The following ONECUT3 variants were observed in gnomAD, a reference collection of about 807,000 sequenced individuals.
ONECUT3 encodes the protein one cut homeobox 3.
Under a neutral mutation model 16.8 loss-of-function variants are expected in ONECUT3, and 11 were observed. That is an observed-to-expected ratio of 0.66 (90% confidence interval 0.41 to 1.09). The LOEUF is 1.09. Among genes scored for constraint, ONECUT3 ranks in the 50% least tolerant of loss-of-function variants. The pLI is 0.00. For synonymous variants in ONECUT3, 344 were observed against 310.7 expected (o/e 1.11, Z -1.13); for missense variants, 637 against 629.9 (o/e 1.01, Z -0.12).
chr19:1,754,519 C>A lies in ONECUT3; in HGVS notation c.857C>A (p.Pro286Gln), dbSNP rs1363636165. Residue 286 changes from proline (P) to glutamine (Q), a missense_variant, in exon 1 of 2, where the codon CCG becomes CAG. Around this residue, in one of 3 missense-constraint regions of ONECUT3, gnomAD observed 419 missense variants for 377.9 expected, o/e 1.11. Coordinates refer to ENST00000382349, the MANE Select transcript of ONECUT3 (RefSeq NM_001080488.2). The surrounding 1 kb of genome is among the most constrained non-coding windows in gnomAD (Gnocchi z 7.4). ...GGGAGCGCCGCGGGGCTGCTGGCGC[C>A]GCTGGGCGGGCTGGCGGCGGCCGGG... Reference protein sequence around the residue: ...GSGSAAGLLAPLGGLAAAGAH... With the variant: ...GSGSAAGLLAQLGGLAAAGAH... 1.0e-6 allele frequency: 1 copy of A among 979,846 alleles called. No homozygotes were observed. Among genetic ancestry groups the A allele is most frequent in the Non-Finnish European group, 1.2e-6 (1 of 827,906 alleles). 60.7% of individuals were successfully genotyped at this position (979,846 alleles called of 1,614,324 possible).
rs935605823 is a variant in ONECUT3, at chr19:1,759,039, G to T, written c.1192+4185G>T. Among the ~76,000 whole-genome samples, 1 of 152,076 alleles carries T rather than the reference G, an allele frequency of 6.6e-6. No homozygotes were observed. The highest frequency in any genetic ancestry group is 1.5e-5 in the Non-Finnish European group (1 of 67,992). ...CAGGAGCCCAGAATCCCTGAGGGAT[G>T]GTGGAGCCCAGCATGGAGGAAACTG... On this transcript the variant is annotated intron_variant, in intron 1 of 1. Coordinates refer to ENST00000382349, the MANE Select transcript of ONECUT3 (RefSeq NM_001080488.2). The surrounding 1 kb of genome is among the most constrained non-coding windows in gnomAD (Gnocchi z 4.1).
At chr19:1,773,363 G>A (rs141684064) in intron 1 of ONECUT3, among the ~76,000 whole-genome samples, 32 of 152,190 alleles carry the variant, frequency 2.1e-4, no homozygotes, top group African/African-American at 7.7e-4. Flanking sequence ...CATAAAACCT[G>A]AAACCGCAGT....
chr19:1,775,113 C>T lies in ONECUT3; in HGVS notation c.1193-40C>T, dbSNP rs1477149818. 3.0e-6 allele frequency: 4 copies of T among 1,320,266 alleles called. No homozygotes were observed. The East Asian group carries it at 8.2e-5, about 27-fold the overall frequency. The allele number at this position is 1,320,266 out of a possible 1,614,324, so 81.8% of individuals were successfully genotyped here. On this transcript the variant is annotated intron_variant, in intron 1 of 1. Transcript: ENST00000382349. ...CTCCCCGGCCGGCCACACGGTGGCG[C>T]TGTGTCCCGCTCGCCCGCCCGCCCG... is the stretch of plus-strand genomic sequence containing the variant.
intron 1 of ONECUT3, among the ~76,000 whole-genome samples, chr19:1,765,434 C>T (rs2067977920): frequency 6.6e-6 from 1 of 152,208 alleles, no homozygotes; most frequent in South Asian, 2.1e-4. Context: ...CCGCGCCTCC[C>T]CTCCAGTACC....
rs2067903585 is a variant in ONECUT3, at chr19:1,754,129, C to T, written c.467C>T (p.Pro156Leu). ...GCGGCCGCGCCGCCCCCGCCACCCC[C>T]GCCGCAGCGTCTGGCGGCCAGCGTG... is the stretch of plus-strand genomic sequence containing the variant. ...HPAAAPPPPP[P>L]PQRLAASVSG... Residue 156 changes from proline (P) to leucine (L), a missense_variant, in exon 1 of 2, where the codon CCG becomes CTG. Transcript: ENST00000382349. The surrounding 1 kb of genome is among the most constrained non-coding windows in gnomAD (Gnocchi z 7.4). 8.6e-6 allele frequency: 9 copies of T among 1,046,574 alleles called. No individual in the cohort carries two copies. The highest frequency in any genetic ancestry group is 3.5e-5 in the African/African-American group (2 of 57,658). The allele number at this position is 1,046,574 out of a possible 1,614,324, so 64.8% of individuals were successfully genotyped here. A position where few individuals can be genotyped will look rare whatever the true frequency, so the allele number is the denominator to read the frequency against.
At position 1,758,316 on chromosome 19, in the gene ONECUT3, A is replaced by AG. The variant is rs2067928238; in HGVS notation, c.1192+3463dup. 2.3e-5 allele frequency among the ~76,000 whole-genome samples: 1 copy of AG among 44,060 alleles called. No individual in the cohort carries two copies. Among genetic ancestry groups the AG allele is most frequent in the African/African-American group, 5.1e-5 (1 of 19,502 alleles). 28.9% of individuals were successfully genotyped at this position (44,060 alleles called of 152,430 possible). ...CAGAGAGACCAAAAAAAAAAAAAAA[A>AG]GAGAGAGAGAGAGAGAGAGACAGAG... On this transcript the variant is annotated intron_variant, in intron 1 of 1. Transcript: ENST00000382349. The surrounding 1 kb of genome is among the most constrained non-coding windows in gnomAD (Gnocchi z 5.9).
chr19:1,761,242 CGG>C lies in ONECUT3; in HGVS notation c.1192+6390_1192+6391del, dbSNP rs549666371. Among the ~76,000 whole-genome samples the C allele has an allele frequency of 4.6e-3, 705 of 151,984 alleles. 3 individuals carry two copies. Among genetic ancestry groups the C allele is most frequent in the African/African-American group, 0.016 (683 of 41,452 alleles). ...TAATTTTTGTGTTTTTAGTAGAGAC[CGG>C]GTTTCACCACGTTGACCAGGCTGGT... is the stretch of plus-strand genomic sequence containing the variant. On this transcript the variant is annotated intron_variant, in intron 1 of 1. Coordinates refer to ENST00000382349, the MANE Select transcript of ONECUT3 (RefSeq NM_001080488.2).
chr19:1,760,881 C>T (rs907120038), intron 1 of ONECUT3, among the ~76,000 whole-genome samples: 4 of 152,122 alleles, frequency 2.6e-5, no homozygotes, highest in Admixed American at 6.5e-5. Flanking sequence ...CTCTGAAGTC[C>T]TCTTAGCCTG....
chr19:1,758,331 GAGAGAC>G lies in ONECUT3; in HGVS notation c.1192+3483_1192+3488del, dbSNP rs1316623033. ...AAAAAAAAAAAGAGAGAGAGAGAGA[GAGAGAC>G]AGAGATGGGAGAGGAACTCTGGGTG... On this transcript the variant is annotated intron_variant, in intron 1 of 1. Coordinates refer to ENST00000382349, the MANE Select transcript of ONECUT3 (RefSeq NM_001080488.2). This position sits in a 1 kb window ranked among gnomAD's most constrained non-coding sequence, Gnocchi z 5.9. Among the ~76,000 whole-genome samples, 61 of 146,206 alleles carry G rather than the reference GAGAGAC, an allele frequency of 4.2e-4. No homozygotes were observed. Among genetic ancestry groups the G allele is most frequent in the African/African-American group, 1.1e-3 (41 of 38,006 alleles).
At chr19:1,761,396 C>G (rs547502959) in intron 1 of ONECUT3, among the ~76,000 whole-genome samples, 28 of 152,328 alleles carry the variant, frequency 1.8e-4, no homozygotes, top group African/African-American at 6.3e-4. Flanking sequence ...CCTAAGGGAG[C>G]TTTGCATGGC....
rs1172569920 is a variant in ONECUT3 at position 1,775,409 on chromosome 19, C to G, written c.1449C>G (p.Gly483=). The change falls in exon 2 of 2, where the codon GGC becomes GGG. Residue 483 remains glycine, a synonymous_variant. Coordinates refer to ENST00000382349, the MANE Select transcript of ONECUT3 (RefSeq NM_001080488.2). ...WAEEPSTAPG[G]PAGATATFSK... is the part of the protein sequence containing the mutation. ...AGGAGCCCAGCACGGCCCCCGGGGG[C>G]CCCGCCGGCGCCACGGCCACTTTCT... 9 of 1,529,334 alleles carry G rather than the reference C, an allele frequency of 5.9e-6. No homozygotes were observed. In the Admixed American group the frequency reaches 6.3e-5, roughly 11 times the overall value. 94.7% of individuals were successfully genotyped at this position (1,529,334 alleles called of 1,614,324 possible).
At chr19:1,763,431 G>A (rs1006015040) in intron 1 of ONECUT3, among the ~76,000 whole-genome samples, 17 of 144,696 alleles carry the variant, frequency 1.2e-4, no homozygotes, top group Non-Finnish European at 2.1e-4. Flanking sequence ...CTGTGGCCCC[G>A]GCTACTCAGG....
At position 1,763,386 on chromosome 19, in the gene ONECUT3, A is replaced by AAAAT. The variant is rs2067957828; in HGVS notation, c.1192+8535_1192+8536insTAAA. ...CATCTCAAAAAAAAAAAAAAAAAAA[A>AAAAT]AAAAAAAAAATTAGCCAGATGTGGT... On this transcript the variant is annotated intron_variant, in intron 1 of 1. Coordinates refer to ENST00000382349, the MANE Select transcript of ONECUT3 (RefSeq NM_001080488.2). Among the ~76,000 whole-genome samples, 4 of 140,114 alleles carry AAAAT rather than the reference A, an allele frequency of 2.9e-5. 1 individual carries two copies. Among genetic ancestry groups the AAAAT allele is most frequent in the Non-Finnish European group, 6.1e-5 (4 of 65,830 alleles). The allele number at this position is 140,114 out of a possible 152,430, so 91.9% of individuals were successfully genotyped here.
intron 1 of ONECUT3, 27 bp from the exon 2 acceptor site, chr19:1,775,126 G>GGGGCCCCC: frequency 3.5e-6 from 4 of 1,143,880 alleles, no homozygotes; most frequent in Non-Finnish European, 3.6e-6. Flanking sequence ...TGTCCCGCTC[G>GGGGCCCCC]CCCGCCCGCC....
At position 1,766,814 on chromosome 19, in the gene ONECUT3, C is replaced by T. The variant is rs865921563; in HGVS notation, c.1193-8339C>T. Reference sequence around the variant, plus strand: ...TCTTGCAGGCTGGGCTGAGACCCCCCCCCCATGCTCCACCACCCTCGTGTA... The same window carrying T: ...TCTTGCAGGCTGGGCTGAGACCCCCTCCCCATGCTCCACCACCCTCGTGTA... On this transcript the variant is annotated intron_variant, in intron 1 of 1. Coordinates refer to ENST00000382349, the MANE Select transcript of ONECUT3 (RefSeq NM_001080488.2). This position sits in a 1 kb window ranked among gnomAD's most constrained non-coding sequence, Gnocchi z 4.0. Among the ~76,000 whole-genome samples, 5 of 152,204 alleles carry T rather than the reference C, an allele frequency of 3.3e-5. No homozygotes were observed. Among genetic ancestry groups the T allele is most frequent in the Admixed American group, 1.3e-4 (2 of 15,298 alleles).
chr19:1,753,893 C>A lies in ONECUT3; in HGVS notation c.231C>A (p.Gly77=). 1.0e-6 allele frequency: 1 copy of A among 981,148 alleles called. No individual in the cohort carries two copies. The highest frequency in any genetic ancestry group is 1.2e-6 in the Non-Finnish European group (1 of 828,648). 60.8% of individuals were successfully genotyped at this position (981,148 alleles called of 1,614,324 possible). The stretch of plus-strand genomic sequence containing the variant: ...GCGGCGCGGGCAGCGCGGGCGGCGG[C>A]GCGGACTTCCGCGGGGAACTGGCGG... ...GAGGAGSAGG[G]ADFRGELAGP... Residue 77 remains glycine, a synonymous_variant, in exon 1 of 2, where the codon GGC becomes GGA. Coordinates refer to ENST00000382349, the MANE Select transcript of ONECUT3 (RefSeq NM_001080488.2).
At chr19:1,773,877 G>A (rs923599902) in intron 1 of ONECUT3, among the ~76,000 whole-genome samples, 4 of 152,188 alleles carry the variant, frequency 2.6e-5, no homozygotes, top group Admixed American at 6.5e-5. Flanking sequence ...GGTTCACTTC[G>A]CTGCTGGAGC....
Position 1,762,429 on chromosome 19 carries a change from C to A in ONECUT3, c.1192+7575C>A, listed in dbSNP as rs1234496685. Among the ~76,000 whole-genome samples, 24 of 152,364 alleles carry A rather than the reference C, an allele frequency of 1.6e-4. No homozygotes were observed. The highest frequency in any genetic ancestry group is 1.2e-4 in the Non-Finnish European group (8 of 68,038). ...CAGGGGTCCACGCATTTCCAAGCGC[C>A]CTTTCCCGTCCAAGGACCTGCTGGG... On this transcript the variant is annotated intron_variant, in intron 1 of 1. Coordinates refer to ENST00000382349, the MANE Select transcript of ONECUT3 (RefSeq NM_001080488.2). This position sits in a 1 kb window ranked among gnomAD's most constrained non-coding sequence, Gnocchi z 4.4.
intron 1 of ONECUT3, among the ~76,000 whole-genome samples, chr19:1,767,300 C>G (rs2068001199): frequency 6.6e-6 from 1 of 152,148 alleles, no homozygotes; most frequent in South Asian, 2.1e-4. Flanking sequence ...TGGCTAGACC[C>G]TTCCCCACAG....
Sources: allele counts gnomAD v4.1 joint callset (sites outside exome capture counted in the v4.1 genomes callset), GRCh38; gene constraint gnomAD v4.1.1; regional missense constraint gnomAD v4.1.1; non-coding constraint Gnocchi (gnomAD v3.1); transcripts MANE v1.5; gene names NCBI Gene and HGNC (gene_info 2026-07-23, HGNC 2026-07-21).